The following CCKBR variants were observed in gnomAD, a reference collection of about 807,000 sequenced individuals.
CCKBR encodes gastrin/cholecystokinin type B receptor.
In CCKBR, 33 loss-of-function variants were observed where a neutral mutation model predicts 34.6. The ratio of observed to expected loss-of-function variants is 0.95; its 90% CI spans 0.72 to 1.27. The LOEUF is 1.27. CCKBR is among the 50% of genes most tolerant of loss of function. The pLI, the probability that CCKBR is intolerant of heterozygous loss-of-function variation, is 0.00. For missense variants in CCKBR, 652 were observed against 617.4 expected, an observed-to-expected ratio of 1.06 and a Z score of -0.59; for synonymous variants, 269 against 267.5, an observed-to-expected ratio of 1.01 and a Z score of -0.06.
chr11:6,269,700 C>T lies in CCKBR; in HGVS notation c.183C>T (p.Tyr61=). ...ELELAIRITL[Y]AVIFLMSVGG... is the part of the protein sequence containing the mutation. ...AGCTGGCCATTAGAATCACTCTTTA[C>T]GCAGTGATCTTCCTGATGAGCGTTG... Residue 61 remains tyrosine, a synonymous_variant, in exon 2 of 5, where the codon TAC becomes TAT. Coordinates refer to ENST00000334619, the MANE Select transcript of CCKBR (RefSeq NM_176875.4). The T allele has an allele frequency of 2.5e-6, 4 of 1,613,850 alleles. No individual in the cohort carries two copies. Among genetic ancestry groups the T allele is most frequent in the South Asian group, 1.1e-5 (1 of 91,072 alleles).
intron 1 of CCKBR, among the ~76,000 whole-genome samples, chr11:6,267,184 A>C (rs1848222118): frequency 6.6e-6 from 1 of 152,164 alleles, no homozygotes; most frequent in Non-Finnish European, 1.5e-5. Context: ...GGCTACACTA[A>C]ATGTATTTAA....
At chr11:6,263,918 T>A (rs918025952) in intron 1 of CCKBR, among the ~76,000 whole-genome samples, 2 of 152,268 alleles carry the variant, frequency 1.3e-5, no homozygotes, top group African/African-American at 2.4e-5. Context: ...GACCTCTGAA[T>A]GTAATCTATG....
chr11:6,263,213 A>G (rs1564885420), intron 1 of CCKBR, among the ~76,000 whole-genome samples: 1 of 152,198 alleles, frequency 6.6e-6, no homozygotes, highest in African/African-American at 2.4e-5. Flanking sequence ...ACAGAAAGAC[A>G]AATGTTACCA....
Position 6,271,638 on chromosome 11 carries a change from C to A in CCKBR, c.*95C>A. 7.9e-7 allele frequency: 1 copy of A among 1,271,996 alleles called. No individual in the cohort carries two copies. Among genetic ancestry groups the A allele is most frequent in the Non-Finnish European group, 1.1e-6 (1 of 939,450 alleles). The allele number at this position is 1,271,996 out of a possible 1,614,324, so 78.8% of individuals were successfully genotyped here. A position where few individuals can be genotyped will look rare whatever the true frequency, so the allele number is the denominator to read the frequency against. ...ACAAACCACAACTGACACAGGAAACCAACACCCAAAGCATGGACTAACCCC... is the reference window on the plus strand; with the variant it reads ...ACAAACCACAACTGACACAGGAAACAAACACCCAAAGCATGGACTAACCCC... On this transcript the variant is annotated 3_prime_UTR_variant, in exon 5 of 5. Coordinates refer to ENST00000334619, the MANE Select transcript of CCKBR (RefSeq NM_176875.4).
At position 6,270,755 on chromosome 11, in the gene CCKBR, A is replaced by T. The variant is rs892754588; in HGVS notation, c.763A>T (p.Ser255Cys). 2 of 1,614,082 alleles carry T rather than the reference A, an allele frequency of 1.2e-6. No individual in the cohort carries two copies. The highest frequency in any genetic ancestry group is 3.3e-5 in the Admixed American group (2 of 59,998). The change falls in exon 4 of 5, where the codon AGT (serine) becomes TGT (cysteine). Residue 255 changes from serine to cysteine, a missense_variant. Ser to Cys is a moderately radical substitution (Grantham distance 112, BLOSUM62 -1). Coordinates refer to ENST00000334619, the MANE Select transcript of CCKBR (RefSeq NM_176875.4). ...LYLGLRFDGD[S>C]DSDSQSRVRN... ...CTTAGGGCTTCGCTTTGACGGCGAC[A>T]GTGACAGCGACAGCCAAAGCAGGGT... is the stretch of plus-strand genomic sequence containing the variant.
chr11:6,261,454 A>ATATATATAT (rs1554918944), intron 1 of CCKBR, among the ~76,000 whole-genome samples: 3 of 60,892 alleles, frequency 4.9e-5, no homozygotes, highest in East Asian at 5.9e-4. Flanking sequence ...AAAAAAAAAA[A>ATATATATAT]ATATATATAC....
rs958277749 is a variant in CCKBR, at chr11:6,271,153, C to G, written c.954C>G (p.Ser318=). The change falls in exon 5 of 5, where the codon TCC becomes TCG. Residue 318 remains serine, a synonymous_variant. Coordinates refer to ENST00000334619, the MANE Select transcript of CCKBR (RefSeq NM_176875.4). ...ALTAPGPGSG[S]RPTQAKLLAK... ...CGGCTCCTGGGCCGGGATCCGGCTCCCGGCCCACCCAGGCCAAGCTGCTGG... is the reference window on the plus strand; with the variant it reads ...CGGCTCCTGGGCCGGGATCCGGCTCGCGGCCCACCCAGGCCAAGCTGCTGG... 6.2e-7 allele frequency: 1 copy of G among 1,613,982 alleles called. No individual in the cohort carries two copies. The highest frequency in any genetic ancestry group is 1.3e-5 in the African/African-American group (1 of 74,924).
intron 1 of CCKBR, among the ~76,000 whole-genome samples, chr11:6,265,751 A>C (rs1258690148): frequency 6.6e-6 from 1 of 152,232 alleles, no homozygotes; most frequent in Non-Finnish European, 1.5e-5. Flanking sequence ...AGAGAGGCCC[A>C]GCTTCTAAAG....
chr11:6,265,186 G>A (rs528669640), intron 1 of CCKBR, among the ~76,000 whole-genome samples: 54 of 152,134 alleles, frequency 3.5e-4, no homozygotes, highest in Non-Finnish European at 3.7e-4. Flanking sequence ...CAGCAAAGAC[G>A]TGTGGAGACA....
Position 6,271,091 on chromosome 11 carries a change from C to T in CCKBR, c.892C>T (p.Pro298Ser), listed in dbSNP as rs1445700251. The T allele has an allele frequency of 6.2e-7, 1 of 1,614,042 alleles. No homozygotes were observed. Among genetic ancestry groups the T allele is most frequent in the Non-Finnish European group, 8.5e-7 (1 of 1,180,040 alleles). Residue 298 changes from proline to serine, a missense_variant, in exon 5 of 5, where the codon CCA (proline) becomes TCA (serine). Physicochemically the swap from Pro to Ser is moderately conservative, Grantham distance 74 (BLOSUM62 -1). Coordinates refer to ENST00000334619, the MANE Select transcript of CCKBR (RefSeq NM_176875.4). ...CAGCGATGGCTGCTACGTGCAACTT[C>T]CACGTTCCCGGCCTGCCCTGGAGCT... ...EDSDGCYVQL[P>S]RSRPALELTA...
chr11:6,267,906 A>C (rs992989912), intron 1 of CCKBR, among the ~76,000 whole-genome samples: 14 of 152,200 alleles, frequency 9.2e-5, no homozygotes, highest in African/African-American at 3.4e-4. Context: ...GTGCAGTGGC[A>C]CTATCATAGC....
In CCKBR at chr11:6,260,068, C is replaced by T. The variant is rs202020610; in HGVS notation, c.140C>T (p.Ala47Val). 4.4e-6 allele frequency: 7 copies of T among 1,592,848 alleles called. No individual in the cohort carries two copies. The highest frequency in any genetic ancestry group is 6.0e-6 in the Non-Finnish European group (7 of 1,172,840). Reference sequence around the variant, plus strand: ...TGCGAGCCCCCTCGCATTCGCGGAGCCGGGACACGAGGTGGGTGCCTCCCT... The same window carrying T: ...TGCGAGCCCCCTCGCATTCGCGGAGTCGGGACACGAGGTGGGTGCCTCCCT... The part of the protein sequence containing the change: ...LSCEPPRIRG[A>V]GTRELELAIR... The change falls in exon 1 of 5, where the codon GCC becomes GTC. Residue 47 changes from alanine (A) to valine (V), a missense_variant. Coordinates refer to ENST00000334619, the MANE Select transcript of CCKBR (RefSeq NM_176875.4).
intron 1 of CCKBR, among the ~76,000 whole-genome samples, chr11:6,261,990 G>A (rs1168512187): frequency 1.3e-5 from 2 of 152,244 alleles, no homozygotes; most frequent in Non-Finnish European, 2.9e-5. Flanking sequence ...GAGGATGGAA[G>A]AGGTCAAGGG....
chr11:6,267,294 T>C (rs763112261), intron 1 of CCKBR, among the ~76,000 whole-genome samples: 1 of 152,220 alleles, frequency 6.6e-6, no homozygotes, highest in Non-Finnish European at 1.5e-5. Context: ...TGTATGGCTA[T>C]ACAAAAATAT....
intron 1 of CCKBR, among the ~76,000 whole-genome samples, chr11:6,260,331 C>T (rs1301822757): frequency 6.6e-6 from 1 of 152,118 alleles, no homozygotes; most frequent in East Asian, 1.9e-4. Context: ...AGCCCCTGCT[C>T]ACCCCAAAGC....
chr11:6,267,147 G>A (rs1848221471), intron 1 of CCKBR, among the ~76,000 whole-genome samples: 1 of 152,162 alleles, frequency 6.6e-6, no homozygotes, highest in Non-Finnish European at 1.5e-5. Flanking sequence ...GTACACTACT[G>A]TAGACTTTAT....
Position 6,271,399 on chromosome 11 carries a change from C to T in CCKBR, c.1200C>T (p.Ala400=). 6.2e-7 allele frequency: 1 copy of T among 1,614,052 alleles called. No homozygotes were observed. The highest frequency in any genetic ancestry group is 8.5e-7 in the Non-Finnish European group (1 of 1,180,040). The change falls in exon 5 of 5, where the codon GCC becomes GCT. Residue 400 remains alanine (A), a synonymous_variant. Coordinates refer to ENST00000334619, the MANE Select transcript of CCKBR (RefSeq NM_176875.4). ...TCATGCACCGTCGCTTTCGCCAGGC[C>T]TGCCTGGAAACTTGCGCTCGCTGCT... ...YCFMHRRFRQ[A]CLETCARCCP... is the part of the protein sequence containing the mutation.
rs202013673 is a variant in CCKBR at position 6,270,721 on chromosome 11, C to G, written c.729C>G (p.Arg243=). 2.8e-5 allele frequency: 45 copies of G among 1,614,190 alleles called. No homozygotes were observed. In the South Asian group the frequency reaches 4.8e-4, roughly 17 times the overall value. The part of the protein sequence containing the change: ...VMAVAYGLIS[R]ELYLGLRFDG... ...CCGTGGCCTACGGGCTTATCTCTCG[C>G]GAGCTCTACTTAGGGCTTCGCTTTG... The change falls in exon 4 of 5, where the codon CGC becomes CGG. Residue 243 remains arginine, a synonymous_variant. Coordinates refer to ENST00000334619, the MANE Select transcript of CCKBR (RefSeq NM_176875.4).
Position 6,261,454 on chromosome 11 carries a change from A to AAAATAT in CCKBR, c.151+1376_151+1377insAATATA, listed in dbSNP as rs1447691939. On this transcript the variant is annotated intron_variant, in intron 1 of 4. Transcript: ENST00000334619. ...GTTGGCAAAAAAAAAAAAAAAAAAA[A>AAAATAT]ATATATATACACACACACACACACA... is the stretch of plus-strand genomic sequence containing the variant. Among the ~76,000 whole-genome samples, 8 of 60,886 alleles carry AAAATAT rather than the reference A, an allele frequency of 1.3e-4. 1 individual carries two copies. Among genetic ancestry groups the AAAATAT allele is most frequent in the Admixed American group, 2.4e-4 (1 of 4,120 alleles). 39.9% of individuals were successfully genotyped at this position (60,886 alleles called of 152,430 possible). A position where few individuals can be genotyped will look rare whatever the true frequency, so the allele number is the denominator to read the frequency against.
Sources: gnomAD v4.1 joint callset for allele counts (sites outside exome capture counted in the v4.1 genomes callset) on GRCh38, gnomAD v4.1.1 for gene constraint, MANE v1.5 for transcripts, NCBI Gene and HGNC (gene_info 2026-07-23, HGNC 2026-07-21) for gene names.